ABCC5: variants seen among roughly 807,000 people sequenced by gnomAD.
The protein encoded by ABCC5 is ATP binding cassette subfamily C member 5, also known as ATP-binding cassette sub-family C member 5.
Under a neutral mutation model 160.9 loss-of-function variants are expected in ABCC5, and 61 were observed. The ratio of observed to expected loss-of-function variants is 0.38; its 90% CI spans 0.31 to 0.47. The LOEUF (loss-of-function observed/expected upper bound fraction) is 0.47, where lower values mean the gene tolerates loss of function less well. Among genes scored for constraint, ABCC5 ranks in the 20% least tolerant of loss-of-function variants. ABCC5 has a pLI of 0.99. For missense variants in ABCC5, 1,308 were observed against 1,813.3 expected (o/e 0.72, Z 5.06); for synonymous variants, 666 against 700.6 (o/e 0.95, Z 0.78).
At chr3:183,983,834 A>T in intron 5 of ABCC5, 1 of 985,476 alleles carries the variant, frequency 1.0e-6, no homozygotes, top group Non-Finnish European at 1.2e-6. Context: ...ACTGTACAGC[A>T]GGTGAAGCAT....
In ABCC5 at chr3:183,963,855, G is replaced by A. The variant is rs1359900080; in HGVS notation, c.2032-267C>T. Among the ~76,000 whole-genome samples the A allele has an allele frequency of 6.6e-6, 1 of 152,112 alleles. No individual in the cohort carries two copies. Among genetic ancestry groups the A allele is most frequent in the Non-Finnish European group, 1.5e-5 (1 of 68,032 alleles). ...TCTGGTCTTGCCAGTCCACCCGGAT[G>A]CTCCCCCTCCAATCCATTCTCCACA... On this transcript the variant is annotated intron_variant, in intron 14 of 29. Coordinates refer to ENST00000334444, the MANE Select transcript of ABCC5 (RefSeq NM_005688.4). This position sits in a 1 kb window ranked among gnomAD's most constrained non-coding sequence, Gnocchi z 4.6.
intron 1 of ABCC5, among the ~76,000 whole-genome samples, chr3:184,015,725 C>G (rs1722138462): frequency 6.6e-6 from 1 of 150,934 alleles, no homozygotes; most frequent in African/African-American, 2.4e-5. Flanking sequence ...CAATGACAAA[C>G]TACACCATAA....
intron 2 of ABCC5, among the ~76,000 whole-genome samples, chr3:183,993,011 A>G (rs918599433): frequency 6.6e-6 from 1 of 152,186 alleles, no homozygotes; most frequent in Non-Finnish European, 1.5e-5. Flanking sequence ...ATTGAGTACA[A>G]TTTTTTGTAA....
intron 2 of ABCC5, among the ~76,000 whole-genome samples, chr3:184,002,195 C>T (rs911864136): frequency 2.0e-5 from 3 of 151,888 alleles, no homozygotes; most frequent in East Asian, 3.9e-4. Context: ...GTTGGGAGTT[C>T]GAGACCAGCC....
intron 17 of ABCC5, among the ~76,000 whole-genome samples, 166 bp downstream of exon 17, chr3:183,959,567 C>A (rs956366407): frequency 6.6e-6 from 1 of 152,166 alleles, no homozygotes; most frequent in African/African-American, 2.4e-5. Flanking sequence ...ACAGAAGGTG[C>A]CTCGTGGTCT....
intron 8 of ABCC5, among the ~76,000 whole-genome samples, chr3:183,979,763 G>C (rs1449046768): frequency 2.6e-5 from 4 of 152,090 alleles, no homozygotes; most frequent in Non-Finnish European, 5.9e-5. Flanking sequence ...ATTTTTTGTA[G>C]AGAGGAGGTC....
rs28365005 is a variant in ABCC5 at position 183,988,770 on chromosome 3, G to A, written c.288-43C>T. ...AAATCACAAAGCTATCAACACGCAC[G>A]GAGAGGGCAGCCCGTGTTTAATGGA... On this transcript the variant is annotated intron_variant, in intron 3 of 29. Transcript: ENST00000334444. This position sits in a 1 kb window ranked among gnomAD's most constrained non-coding sequence, Gnocchi z 4.4. 10 of 1,595,020 alleles carry A rather than the reference G, an allele frequency of 6.3e-6. No individual in the cohort carries two copies. Among genetic ancestry groups the A allele is most frequent in the Middle Eastern group, 1.7e-4 (1 of 6,000 alleles).
rs926527016 is a variant in ABCC5, at chr3:183,963,852, GAT to G, written c.2032-266_2032-265del. Among the ~76,000 whole-genome samples, 10 of 152,128 alleles carry G rather than the reference GAT, an allele frequency of 6.6e-5. No homozygotes were observed. Among genetic ancestry groups the G allele is most frequent in the African/African-American group, 2.2e-4 (9 of 41,418 alleles). ...ACATCTGGTCTTGCCAGTCCACCCG[GAT>G]GCTCCCCCTCCAATCCATTCTCCAC... On this transcript the variant is annotated intron_variant, in intron 14 of 29. Coordinates refer to ENST00000334444, the MANE Select transcript of ABCC5 (RefSeq NM_005688.4). This position sits in a 1 kb window ranked among gnomAD's most constrained non-coding sequence, Gnocchi z 4.6.
chr3:183,947,188 C>A, intron 23 of ABCC5, 136 bp downstream of exon 23: 1 of 954,678 alleles, frequency 1.0e-6, no homozygotes, highest in Non-Finnish European at 1.5e-6. Flanking sequence ...ACGGTCAAAT[C>A]AGACCATGAG....
rs772438681 is a variant in ABCC5, at chr3:183,989,349, C to G, written c.164G>C (p.Arg55Pro). 1 of 1,613,872 alleles carries G rather than the reference C, an allele frequency of 6.2e-7. No individual in the cohort carries two copies. The highest frequency in any genetic ancestry group is 1.3e-5 in the African/African-American group (1 of 74,960). Residue 55 changes from arginine to proline, a missense_variant, in exon 3 of 30, where the codon CGA (arginine) becomes CCA (proline). Around this residue, in one of 3 missense-constraint regions of ABCC5, gnomAD observed 1,142 missense variants for 1,527.1 expected, o/e 0.75. Coordinates refer to ENST00000334444, the MANE Select transcript of ABCC5 (RefSeq NM_005688.4). ...ECQDALETAA[R>P]AEGLSLDASM... ...GGCATCAAGAGAGAGGCCCTCGGCT[C>G]GGGCTGCTGTTTCCAAGGCATCTTG... is the stretch of plus-strand genomic sequence containing the variant.
chr3:184,002,556 C>G (rs1318393737), intron 2 of ABCC5, among the ~76,000 whole-genome samples: 1 of 152,232 alleles, frequency 6.6e-6, no homozygotes, highest in Non-Finnish European at 1.5e-5. Context: ...TCTGCTCTTG[C>G]AAAAGACGCT....
rs988796460 is a variant in ABCC5 at position 183,987,980 on chromosome 3, G to A, written c.444-63C>T. The A allele has an allele frequency of 6.1e-5, 95 of 1,565,936 alleles. 1 individual carries two copies. The South Asian group carries it at 8.5e-4, about 14-fold the overall frequency. ...GGGGGAAAGGCACACCTAGCTCCCC[G>A]CCTGCCACCACTTTTTGTCTCCAGG... On this transcript the variant is annotated intron_variant, in intron 4 of 29. Coordinates refer to ENST00000334444, the MANE Select transcript of ABCC5 (RefSeq NM_005688.4). This position sits in a 1 kb window ranked among gnomAD's most constrained non-coding sequence, Gnocchi z 4.2.
chr3:183,984,948 G>T, intron 5 of ABCC5: 1 of 1,490,834 alleles, frequency 6.7e-7, no homozygotes, highest in Non-Finnish European at 9.0e-7. Flanking sequence ...TACCTTTAGA[G>T]TGCCATTTTT....
chr3:183,959,816 G>A lies in ABCC5; in HGVS notation c.2399C>T (p.Thr800Ile). 6.2e-7 allele frequency: 1 copy of A among 1,609,164 alleles called. No homozygotes were observed. Among genetic ancestry groups the A allele is most frequent in the Non-Finnish European group, 8.5e-7 (1 of 1,178,122 alleles). ...PPVEINSKKE[T>I]SGSQKKSQDK... ...TTGTGACTTCTTCTGTGAACCACTG[G>A]TTTCCTTTTTTGAATTGATCTAATA... Residue 800 changes from threonine to isoleucine, a missense_variant, in exon 17 of 30, where the codon ACC becomes ATC. Thr to Ile is a moderately conservative substitution (Grantham distance 89). Transcript: ENST00000334444.
At chr3:183,925,916 G>A (rs1712504788) in intron 28 of ABCC5, among the ~76,000 whole-genome samples, 197 bp from the exon 29 acceptor site, 1 of 145,800 alleles carries the variant, frequency 6.9e-6, no homozygotes, top group African/African-American at 2.6e-5. Context: ...TCGGCTCACT[G>A]CAAGCTCCGC....
At chr3:183,933,034 AG>A (rs1178046017) in intron 26 of ABCC5, among the ~76,000 whole-genome samples, 1 of 151,846 alleles carries the variant, frequency 6.6e-6, no homozygotes, top group East Asian at 1.9e-4. Flanking sequence ...CAGGTGTGGT[AG>A]TAGGTGCCTG....
At chr3:183,967,892 G>T (rs1170273691) in intron 11 of ABCC5, 126 bp from the exon 12 acceptor site, 2 of 753,342 alleles carry the variant, frequency 2.7e-6, no homozygotes, top group Non-Finnish European at 4.6e-6. Context: ...GACTCAGCAG[G>T]CCACTTACCT....
intron 12 of ABCC5, among the ~76,000 whole-genome samples, chr3:183,966,722 A>G (rs1433511499): frequency 1.3e-5 from 2 of 152,012 alleles, no homozygotes; most frequent in African/African-American, 4.8e-5. Flanking sequence ...AGAGTGTCAT[A>G]AAGCAGAAGG....
chr3:183,943,404 G>C (rs1170449912), intron 24 of ABCC5, among the ~76,000 whole-genome samples: 1 of 152,214 alleles, frequency 6.6e-6, no homozygotes, highest in Non-Finnish European at 1.5e-5. Flanking sequence ...AGGAGACACA[G>C]ACTCTAATTC....
Sources: gnomAD v4.1 joint callset for allele counts (sites outside exome capture counted in the v4.1 genomes callset) on GRCh38, gnomAD v4.1.1 for gene constraint, gnomAD v4.1.1 regional missense constraint, Gnocchi (gnomAD v3.1) non-coding constraint, MANE v1.5 for transcripts, NCBI Gene and HGNC (gene_info 2026-07-23, HGNC 2026-07-21) for gene names.